NKAIN1: variants seen among roughly 807,000 people sequenced by gnomAD.
NKAIN1 encodes sodium/potassium-transporting ATPase subunit beta-1-interacting protein 1.
A neutral mutation model predicts 31.6 loss-of-function variants in NKAIN1; 13 were observed. That is an observed-to-expected ratio of 0.41 (90% confidence interval 0.27 to 0.65). NKAIN1 has a LOEUF of 0.65. NKAIN1 is among the 30% of genes least tolerant of loss of function. The probability of loss-of-function intolerance (pLI) is 0.30; values close to 1 mark genes in which losing one functional copy is unlikely to be tolerated. For synonymous variants in NKAIN1, 104 were observed against 109.0 expected, an observed-to-expected ratio of 0.95 and a Z score of 0.28; for missense variants, 193 against 262.2, an observed-to-expected ratio of 0.74 and a Z score of 1.82.
In NKAIN1 at chr1:31,239,530, C is replaced by G. The variant is rs2148371414; in HGVS notation, c.18G>C (p.Gly6=). MGKCS[G]RCTLVAFCCL... ...AGCAGAAGGCGACCAGCGTGCAGCG[C>G]CCGCTGCACTTGCCCATGGCTCCGG... The change falls in exon 1 of 7, where the codon GGG becomes GGC. Residue 6 remains glycine (G), a synonymous_variant. Coordinates refer to ENST00000373736, the MANE Select transcript of NKAIN1 (RefSeq NM_024522.3). This position sits in a 1 kb window ranked among gnomAD's most constrained non-coding sequence, Gnocchi z 4.8. 7.4e-7 allele frequency: 1 copy of G among 1,354,850 alleles called. No homozygotes were observed. Among genetic ancestry groups the G allele is most frequent in the Non-Finnish European group, 9.5e-7 (1 of 1,057,772 alleles). The allele number at this position is 1,354,850 out of a possible 1,614,324, so 83.9% of individuals were successfully genotyped here.
intron 1 of NKAIN1, among the ~76,000 whole-genome samples, chr1:31,212,409 T>C (rs79652496): frequency 7.0e-5 from 6 of 86,196 alleles, no homozygotes; most frequent in East Asian, 2.4e-4. Flanking sequence ...TTTCTTTTTT[T>C]TTTTTTTTTT....
intron 1 of NKAIN1, among the ~76,000 whole-genome samples, chr1:31,198,101 G>A (rs924134541): frequency 2.0e-5 from 3 of 152,164 alleles, no homozygotes; most frequent in Non-Finnish European, 2.9e-5. Context: ...CTTTGTGAGG[G>A]CAGGAATTTC....
intron 1 of NKAIN1, among the ~76,000 whole-genome samples, chr1:31,197,592 G>T (rs191484206): frequency 5.2e-5 from 7 of 134,160 alleles, no homozygotes; most frequent in African/African-American, 8.2e-5. Flanking sequence ...CGTCGCCCAG[G>T]TTGGAGTGCA....
intron 1 of NKAIN1, among the ~76,000 whole-genome samples, chr1:31,211,374 A>C (rs1645467599): frequency 6.6e-6 from 1 of 152,244 alleles, no homozygotes; most frequent in Non-Finnish European, 1.5e-5. Flanking sequence ...TGAACAATCT[A>C]AACATAAAAT....
intron 1 of NKAIN1, among the ~76,000 whole-genome samples, chr1:31,195,940 C>T (rs1046675279): frequency 1.3e-5 from 2 of 151,306 alleles, no homozygotes; most frequent in East Asian, 1.9e-4. Flanking sequence ...CTGATATCAG[C>T]CTTATCTATC....
chr1:31,218,036 CTT>C (rs34251716), intron 1 of NKAIN1, among the ~76,000 whole-genome samples: 1 of 126,784 alleles, frequency 7.9e-6, no homozygotes, highest in East Asian at 2.6e-4. Flanking sequence ...TTCTTTCTTT[CTT>C]TCTTTCTTTC....
chr1:31,182,671 T>C (rs1397066916), intron 4 of NKAIN1, 81 bp from the exon 5 acceptor site: 21 of 1,511,048 alleles, frequency 1.4e-5, no homozygotes, highest in Non-Finnish European at 1.9e-5. Flanking sequence ...CTGTACGCTC[T>C]GACTGGCAAG....
chr1:31,210,645 G>C (rs979387657), intron 1 of NKAIN1, among the ~76,000 whole-genome samples: 2 of 152,108 alleles, frequency 1.3e-5, no homozygotes, highest in Non-Finnish European at 2.9e-5. Context: ...CCTAACAGTA[G>C]GTCACTCAAC....
intron 1 of NKAIN1, among the ~76,000 whole-genome samples, chr1:31,225,033 C>CTTTTTTTTTTTTTTTTTT (rs1553163963): frequency 3.6e-5 from 4 of 112,114 alleles, no homozygotes; most frequent in East Asian, 2.7e-4. Context: ...CTTTTCTTTT[C>CTTTTTTTTTTTTTTTTTT]TTTTTTTTTT....
Position 31,181,788 on chromosome 1 carries a change from A to T in NKAIN1, c.614+72T>A, listed in dbSNP as rs1247061073. On this transcript the variant is annotated intron_variant, in intron 6 of 6. Transcript: ENST00000373736. ...GCGGAGAGACCCGGTTGCCCTGCCC[A>T]CTCCTCCATCCCCTCCTTTTCGCAA... 3.9e-6 allele frequency: 6 copies of T among 1,555,662 alleles called. No individual in the cohort carries two copies. In the East Asian group the frequency reaches 1.2e-4, roughly 31 times the overall value.
intron 1 of NKAIN1, among the ~76,000 whole-genome samples, chr1:31,224,461 G>A (rs893179720): frequency 6.6e-6 from 1 of 152,070 alleles, no homozygotes; most frequent in Non-Finnish European, 1.5e-5. Flanking sequence ...ATCCTAAATC[G>A]AAAATGCATT....
intron 1 of NKAIN1, among the ~76,000 whole-genome samples, chr1:31,193,568 C>T (rs1337192899): frequency 6.6e-6 from 1 of 151,834 alleles, no homozygotes; most frequent in Non-Finnish European, 1.5e-5. Context: ...TGGTGGCACG[C>T]ACCTGTAATC....
At position 31,239,575 on chromosome 1, in the gene NKAIN1, C is replaced by A; in HGVS notation, c.-28G>T. 1 of 1,204,278 alleles carries A rather than the reference C, an allele frequency of 8.3e-7. No homozygotes were observed. Among genetic ancestry groups the A allele is most frequent in the Non-Finnish European group, 1.0e-6 (1 of 969,354 alleles). 74.6% of individuals were successfully genotyped at this position (1,204,278 alleles called of 1,614,324 possible). On this transcript the variant is annotated 5_prime_UTR_variant, in exon 1 of 7. Coordinates refer to ENST00000373736, the MANE Select transcript of NKAIN1 (RefSeq NM_024522.3). The surrounding 1 kb of genome is among the most constrained non-coding windows in gnomAD (Gnocchi z 4.8). ...CTCCGGGGGCTGCGCGGGCCGCACG[C>A]CGCGGCGCCCTTCTTGCTCCGCGGC... is the stretch of plus-strand genomic sequence containing the variant.
At chr1:31,205,194 G>A (rs557413867) in intron 1 of NKAIN1, among the ~76,000 whole-genome samples, 1 of 151,862 alleles carries the variant, frequency 6.6e-6, no homozygotes, top group African/African-American at 2.4e-5. Flanking sequence ...ACAATGGCTC[G>A]ATCTCGGCTC....
chr1:31,232,427 A>G (rs1438508404), intron 1 of NKAIN1, among the ~76,000 whole-genome samples: 1 of 44,938 alleles, frequency 2.2e-5, no homozygotes, highest in Non-Finnish European at 3.9e-5. Flanking sequence ...ATATATATAG[A>G]GAGAGAGAGA....
chr1:31,195,196 G>A lies in NKAIN1; in HGVS notation c.55-7009C>T, dbSNP rs117777019. Among the ~76,000 whole-genome samples, 576 of 141,474 alleles carry A rather than the reference G, an allele frequency of 4.1e-3. 33 individuals carry two copies. In the East Asian group the frequency reaches 0.1, roughly 25 times the overall value. The allele number at this position is 141,474 out of a possible 152,430, so 92.8% of individuals were successfully genotyped here. A position where few individuals can be genotyped will look rare whatever the true frequency, so the allele number is the denominator to read the frequency against. On this transcript the variant is annotated intron_variant, in intron 1 of 6. Coordinates refer to ENST00000373736, the MANE Select transcript of NKAIN1 (RefSeq NM_024522.3). ...GCAGTGGTGCGATCTAGGCCCACTT[G>A]CAACCTCCGCCTCCTGGGTTCAAGC...
intron 1 of NKAIN1, among the ~76,000 whole-genome samples, chr1:31,209,937 T>C (rs1645454607): frequency 6.6e-6 from 1 of 150,462 alleles, no homozygotes; most frequent in African/African-American, 2.5e-5. Context: ...CAGTGAGCTA[T>C]TGTTGGGCCA....
At chr1:31,218,068 C>CTT (rs1553163597) in intron 1 of NKAIN1, among the ~76,000 whole-genome samples, 3 of 132,934 alleles carry the variant, frequency 2.3e-5, no homozygotes, top group South Asian at 2.3e-4. Flanking sequence ...TTCTTTCTTT[C>CTT]TTTTTTTTTT....
rs369934103 is a variant in NKAIN1 at position 31,188,125 on chromosome 1, G to A, written c.117C>T (p.Ala39=). The change falls in exon 2 of 7, where the codon GCC becomes GCT. Residue 39 remains alanine, a synonymous_variant. Transcript: ENST00000373736. ...TGACTGCCATGATGTGCAGGAAGTT[G>A]GCTAGGATGGGAGCCCACTGGTAGC... is the stretch of plus-strand genomic sequence containing the variant. ...FLGYQWAPIL[A]NFLHIMAVIL... 2.0e-4 allele frequency: 317 copies of A among 1,552,220 alleles called. No homozygotes were observed. Among genetic ancestry groups the A allele is most frequent in the Non-Finnish European group, 2.5e-4 (283 of 1,147,358 alleles).
Sources: gnomAD v4.1 joint callset for allele counts (sites outside exome capture counted in the v4.1 genomes callset) on GRCh38, gnomAD v4.1.1 for gene constraint, Gnocchi (gnomAD v3.1) non-coding constraint, MANE v1.5 for transcripts, NCBI Gene and HGNC (gene_info 2026-07-23, HGNC 2026-07-21) for gene names.